Variants in KPNA6 observed in about 807,000 individuals in gnomAD.
KPNA6 encodes the protein importin subunit alpha-7.
A neutral mutation model predicts 72.0 loss-of-function variants in KPNA6; 9 were observed. The observed-to-expected ratio is 0.13, with a 90% CI of 0.08 to 0.22. The LOEUF (loss-of-function observed/expected upper bound fraction) is 0.22. Among genes scored for constraint, KPNA6 ranks in the 10% least tolerant of loss-of-function variants. The pLI is 1.00. For missense variants in KPNA6, 374 were observed against 655.7 expected, an observed-to-expected ratio of 0.57 and a Z score of 4.69; for synonymous variants, 219 against 242.1, an observed-to-expected ratio of 0.90 and a Z score of 0.89.
intron 1 of KPNA6, among the ~76,000 whole-genome samples, chr1:32,151,406 G>T (rs747708925): frequency 3.9e-5 from 6 of 152,152 alleles, no homozygotes; most frequent in Non-Finnish European, 7.4e-5. Flanking sequence ...CTTCTCAGTT[G>T]CCCTTTGTGT....
At chr1:32,163,007 G>A (rs1642267535) in intron 9 of KPNA6, among the ~76,000 whole-genome samples, 3 of 151,600 alleles carry the variant, frequency 2.0e-5, no homozygotes, top group Admixed American at 2.0e-4. Flanking sequence ...GGGAGGCTGA[G>A]GCAGGAGAAT....
rs1338903029 is a variant in KPNA6 at position 32,176,304 on chromosome 1, C to G, written c.*5410C>G. On this transcript the variant is annotated 3_prime_UTR_variant, in exon 14 of 14. Coordinates refer to ENST00000373625, the MANE Select transcript of KPNA6 (RefSeq NM_012316.5). ...TGGAAGATGAATCTAATCCTTCTCA[C>G]TGGTTTTTCTTTGCAAATTCATTTG... is the stretch of plus-strand genomic sequence containing the variant. 6.6e-6 allele frequency: 1 copy of G among 151,952 alleles called. No homozygotes were observed. The highest frequency in any genetic ancestry group is 1.5e-5 in the Non-Finnish European group (1 of 67,998). 9.4% of individuals were successfully genotyped at this position (151,952 alleles called of 1,614,324 possible).
chr1:32,147,944 G>A (rs954697179), intron 1 of KPNA6, among the ~76,000 whole-genome samples: 4 of 152,058 alleles, frequency 2.6e-5, no homozygotes, highest in South Asian at 2.1e-4. Flanking sequence ...AGGATTACAG[G>A]CCTGAGCCAC....
rs1642410474 is a variant in KPNA6 at position 32,170,145 on chromosome 1, T to G, written c.1423+85T>G. On this transcript the variant is annotated intron_variant, in intron 13 of 13. Coordinates refer to ENST00000373625, the MANE Select transcript of KPNA6 (RefSeq NM_012316.5). ...TACATATGTTGGTGGTGGCGGAGTG[T>G]GGGTTGGGAAGCATCCATAGCTTCC... is the stretch of plus-strand genomic sequence containing the variant. The G allele has an allele frequency of 6.2e-6, 8 of 1,288,358 alleles. No individual in the cohort carries two copies. In the Middle Eastern group the frequency reaches 5.8e-4, roughly 93 times the overall value. The allele number at this position is 1,288,358 out of a possible 1,614,324, so 79.8% of individuals were successfully genotyped here. A position where few individuals can be genotyped will look rare whatever the true frequency, so the allele number is the denominator to read the frequency against.
intron 1 of KPNA6, among the ~76,000 whole-genome samples, chr1:32,128,387 T>TTATATATATATATATATA (rs67312157): frequency 8.0e-4 from 58 of 72,152 alleles, no homozygotes; most frequent in Non-Finnish European, 1.3e-3. Flanking sequence ...ATATATGTAT[T>TTATATATATATATATATA]TATATATATA....
At chr1:32,108,371 C>A (rs532070328) in intron 1 of KPNA6, among the ~76,000 whole-genome samples, 3 of 152,254 alleles carry the variant, frequency 2.0e-5, no homozygotes, top group Admixed American at 2.0e-4. Context: ...TGGAGCCCCC[C>A]ACATGGTGGC....
At chr1:32,109,787 G>T (rs1569978229) in intron 1 of KPNA6, among the ~76,000 whole-genome samples, 1 of 151,874 alleles carries the variant, frequency 6.6e-6, no homozygotes, top group South Asian at 2.1e-4. Flanking sequence ...TGGGACTACA[G>T]GTGCCCGCCA....
chr1:32,165,513 C>A (rs1234326093), intron 10 of KPNA6, among the ~76,000 whole-genome samples: 2 of 151,408 alleles, frequency 1.3e-5, no homozygotes, highest in East Asian at 3.9e-4. Context: ...CATGGGAAGA[C>A]CCTGTCTCTA....
rs1453526327 is a variant in KPNA6 at position 32,153,172 on chromosome 1, TAGTC to T, written c.5-1414_5-1411del. On this transcript the variant is annotated intron_variant, in intron 1 of 13. Coordinates refer to ENST00000373625, the MANE Select transcript of KPNA6 (RefSeq NM_012316.5). ...ATCTTGCAAAAGACTAAAATAAAAA[TAGTC>T]AAGTCTCTGGTAAAGGTTCTCAGGA... is the stretch of plus-strand genomic sequence containing the variant. Among the ~76,000 whole-genome samples the T allele has an allele frequency of 2.6e-5, 4 of 151,800 alleles. No homozygotes were observed. In the South Asian group the frequency reaches 8.3e-4, roughly 32 times the overall value.
chr1:32,152,447 C>T (rs1035700022), intron 1 of KPNA6, among the ~76,000 whole-genome samples: 2 of 152,106 alleles, frequency 1.3e-5, no homozygotes, highest in African/African-American at 2.4e-5. Flanking sequence ...ACATGGGACA[C>T]TTATGTAAAT....
At chr1:32,134,145 T>G (rs904308721) in intron 1 of KPNA6, among the ~76,000 whole-genome samples, 2 of 150,120 alleles carry the variant, frequency 1.3e-5, no homozygotes, top group Admixed American at 1.3e-4. Flanking sequence ...TAGTCCCAGC[T>G]ACTGGGGAGG....
intron 1 of KPNA6, among the ~76,000 whole-genome samples, chr1:32,132,535 C>T (rs1270070644): frequency 2.0e-5 from 3 of 152,230 alleles, no homozygotes; most frequent in Admixed American, 2.0e-4. Context: ...AGTGATCTGC[C>T]TGCCTCAACC....
intron 1 of KPNA6, among the ~76,000 whole-genome samples, chr1:32,141,797 C>T (rs1210467230): frequency 6.6e-6 from 1 of 152,044 alleles, no homozygotes; most frequent in African/African-American, 2.4e-5. Flanking sequence ...AAAGACAAGG[C>T]TTAATTAACT....
At chr1:32,169,231 A>G (rs947490949) in intron 12 of KPNA6, among the ~76,000 whole-genome samples, 2 of 151,636 alleles carry the variant, frequency 1.3e-5, no homozygotes, top group Non-Finnish European at 2.9e-5. Context: ...ATTAGCTGAG[A>G]ATGGTGGCAC....
chr1:32,118,890 A>G (rs943421722), intron 1 of KPNA6, among the ~76,000 whole-genome samples: 3 of 151,106 alleles, frequency 2.0e-5, no homozygotes, highest in Non-Finnish European at 2.9e-5. Context: ...TGCTTAGCAC[A>G]TAGTAAGTAC....
intron 1 of KPNA6, among the ~76,000 whole-genome samples, chr1:32,122,526 T>C (rs886178726): frequency 6.6e-6 from 1 of 152,106 alleles, no homozygotes; most frequent in African/African-American, 2.4e-5. Context: ...GGCTGATGCC[T>C]GTAATTCTAG....
Position 32,160,645 on chromosome 1 carries a change from G to A in KPNA6, c.589G>A (p.Asp197Asn). Residue 197 changes from aspartate to asparagine, a missense_variant, in exon 7 of 14, where the codon GAT (aspartate) becomes AAT (asparagine). Transcript: ENST00000373625. Reference protein sequence around the residue: ...AVWALGNIAGDSSVCRDYVLN... With the variant: ...AVWALGNIAGNSSVCRDYVLN... ...CTGGGCACTGGGAAACATAGCTGGA[G>A]ATAGCTCTGTTTGCCGAGATTACGT... 6.2e-7 allele frequency: 1 copy of A among 1,614,064 alleles called. No individual in the cohort carries two copies. Among genetic ancestry groups the A allele is most frequent in the Non-Finnish European group, 8.5e-7 (1 of 1,179,932 alleles).
chr1:32,132,348 G>C (rs1221822833), intron 1 of KPNA6, among the ~76,000 whole-genome samples: 1 of 152,048 alleles, frequency 6.6e-6, no homozygotes, highest in East Asian at 1.9e-4. Flanking sequence ...GCCCAGGCTA[G>C]AGTGCTGTGG....
intron 1 of KPNA6, among the ~76,000 whole-genome samples, chr1:32,154,203 T>C (rs112994634): frequency 5.3e-5 from 8 of 151,358 alleles, no homozygotes; most frequent in African/African-American, 1.9e-4. Context: ...GGATTACGGG[T>C]GGGAGCCACT....
Sources: gnomAD v4.1 joint callset for allele counts (sites outside exome capture counted in the v4.1 genomes callset) on GRCh38, gnomAD v4.1.1 for gene constraint, MANE v1.5 for transcripts, NCBI Gene and HGNC (gene_info 2026-07-23, HGNC 2026-07-21) for gene names.